Variants in TASP1 observed in about 807,000 individuals in gnomAD.
TASP1 encodes the protein threonine aspartase 1.
In TASP1, 16 loss-of-function variants were observed where a neutral mutation model predicts 56.6. The ratio of observed to expected loss-of-function variants is 0.28; its 90% CI spans 0.19 to 0.43. The LOEUF (loss-of-function observed/expected upper bound fraction) is 0.43. TASP1 is among the 20% of genes least tolerant of loss of function. The probability of loss-of-function intolerance (pLI) is 1.00; values close to 1 mark genes in which losing one functional copy is unlikely to be tolerated. For missense variants in TASP1, 393 were observed against 511.6 expected, an observed-to-expected ratio of 0.77 and a Z score of 2.24; for synonymous variants, 179 against 184.2, an observed-to-expected ratio of 0.97 and a Z score of 0.23.
intron 11 of TASP1, among the ~76,000 whole-genome samples, chr20:13,444,463 T>C (rs926736650): frequency 1.3e-5 from 2 of 152,132 alleles, no homozygotes; most frequent in African/African-American, 4.8e-5. Flanking sequence ...CACAGACAGT[T>C]TGGAGGTCAG....
intron 4 of TASP1, among the ~76,000 whole-genome samples, chr20:13,618,793 C>A (rs890585669): frequency 2.5e-4 from 38 of 151,580 alleles, no homozygotes; most frequent in Non-Finnish European, 3.4e-4. Flanking sequence ...AACAGAAGTT[C>A]AACAAAAGAT....
intron 13 of TASP1, among the ~76,000 whole-genome samples, chr20:13,402,682 A>C (rs561724477): frequency 6.6e-6 from 1 of 152,232 alleles, no homozygotes; most frequent in African/African-American, 2.4e-5. Flanking sequence ...GTTAAGACTA[A>C]GGCCAATTTG....
chr20:13,374,868 C>T, the TASP1 span, among the ~76,000 whole-genome samples: 3 of 152,306 alleles, frequency 2.0e-5, no homozygotes, highest in African/African-American at 7.2e-5. Context: ...TGCACCTGCT[C>T]ACCCTGGAAT....
chr20:13,129,956 G>C, the TASP1 span, among the ~76,000 whole-genome samples: 5 of 152,162 alleles, frequency 3.3e-5, no homozygotes, highest in South Asian at 1.0e-3. Context: ...AAAAAACAGA[G>C]AATGCTATGT....
At chr20:13,110,210 G>C in the TASP1 span, 1 of 1,613,354 alleles carries the variant, frequency 6.2e-7, no homozygotes, top group Non-Finnish European at 8.5e-7. Context: ...GGTGGAGGGT[G>C]TCTACAGGTA....
intron 4 of TASP1, among the ~76,000 whole-genome samples, chr20:13,618,690 C>T (rs1163342918): frequency 6.6e-6 from 1 of 152,186 alleles, no homozygotes; most frequent in African/African-American, 2.4e-5. Context: ...GGACAAGAAA[C>T]GAGTTTTAAC....
intron 10 of TASP1, among the ~76,000 whole-genome samples, chr20:13,520,453 C>A (rs1340686827): frequency 1.3e-5 from 2 of 152,138 alleles, no homozygotes; most frequent in Non-Finnish European, 2.9e-5. Flanking sequence ...GAACAGAGCC[C>A]TCAGAAACAA....
At chr20:13,473,741 T>C (rs544926543) in intron 11 of TASP1, among the ~76,000 whole-genome samples, 1 of 152,200 alleles carries the variant, frequency 6.6e-6, no homozygotes, top group Non-Finnish European at 1.5e-5. Flanking sequence ...TCTGCTTCTT[T>C]TGAACTCTTC....
chr20:13,599,720 G>GA (rs982041106), intron 4 of TASP1, among the ~76,000 whole-genome samples: 10 of 149,610 alleles, frequency 6.7e-5, no homozygotes, highest in African/African-American at 2.5e-4. Flanking sequence ...AGAGAAAAAG[G>GA]AAAAAACCAT....
the TASP1 span, among the ~76,000 whole-genome samples, chr20:13,326,678 G>A: frequency 7.7e-4 from 117 of 152,142 alleles, no homozygotes; most frequent in African/African-American, 2.6e-3. Flanking sequence ...TGCCCAGTCA[G>A]GTCTTTTGTT....
At chr20:13,426,124 C>T (rs2042610517) in intron 12 of TASP1, among the ~76,000 whole-genome samples, 1 of 152,156 alleles carries the variant, frequency 6.6e-6, no homozygotes, top group Non-Finnish European at 1.5e-5. Context: ...CTGGAGGACA[C>T]TTCAGTTATC....
intron 4 of TASP1, among the ~76,000 whole-genome samples, chr20:13,594,385 T>C (rs1224914222): frequency 6.6e-6 from 1 of 152,188 alleles, no homozygotes; most frequent in Non-Finnish European, 1.5e-5. Flanking sequence ...TTTGAGGAGA[T>C]GACAGAAGTA....
chr20:13,359,842 C>G, the TASP1 span, among the ~76,000 whole-genome samples: 125 of 151,950 alleles, frequency 8.2e-4, 1 homozygote, highest in East Asian at 0.021. Flanking sequence ...TTCTATCCCC[C>G]ACCTTAACCC....
chr20:13,303,564 A>AG, the TASP1 span, among the ~76,000 whole-genome samples: 1 of 152,194 alleles, frequency 6.6e-6, no homozygotes, highest in Non-Finnish European at 1.5e-5. Context: ...CCCAGGTTCC[A>AG]GCACTGCACC....
chr20:13,371,797 T>C, the TASP1 span, among the ~76,000 whole-genome samples: 14,647 of 152,250 alleles, frequency 0.096, 815 homozygotes, highest in African/African-American at 0.14. Flanking sequence ...CCCTCGATCA[T>C]GTCAGTCATG....
At chr20:13,604,796 T>C (rs958922673) in intron 4 of TASP1, among the ~76,000 whole-genome samples, 1 of 151,976 alleles carries the variant, frequency 6.6e-6, no homozygotes, top group Admixed American at 6.5e-5. Flanking sequence ...AAACTGCAGA[T>C]CTGTGGAAAT....
At chr20:13,164,869 T>C in the TASP1 span, 2 of 1,611,252 alleles carry the variant, frequency 1.2e-6, no homozygotes, top group Non-Finnish European at 1.7e-6. Flanking sequence ...GAAGATTAAG[T>C]TTCCTGGTCC....
chr20:13,152,282 G>T, the TASP1 span, among the ~76,000 whole-genome samples: 1 of 152,310 alleles, frequency 6.6e-6, no homozygotes, highest in Middle Eastern at 3.4e-3. Context: ...GCTTATAACA[G>T]TGGTGACATT....
At chr20:13,519,447 G>C (rs950860196) in intron 10 of TASP1, among the ~76,000 whole-genome samples, 7 of 152,220 alleles carry the variant, frequency 4.6e-5, no homozygotes, top group Admixed American at 1.3e-4. Flanking sequence ...TTCATCCCTG[G>C]GATGCAAGGC....
Sources: allele counts gnomAD v4.1 joint callset (sites outside exome capture counted in the v4.1 genomes callset), GRCh38; gene constraint gnomAD v4.1.1; transcripts MANE v1.5; gene names NCBI Gene and HGNC (gene_info 2026-07-23, HGNC 2026-07-21).